The following TCF12 variants were observed in gnomAD, a reference collection of about 807,000 sequenced individuals.
TCF12 encodes transcription factor 12.
Under a neutral mutation model 86.0 loss-of-function variants are expected in TCF12, and 45 were observed. The ratio of observed to expected loss-of-function variants is 0.52; its 90% CI spans 0.41 to 0.67. The LOEUF (loss-of-function observed/expected upper bound fraction) is 0.67, where lower values mean the gene tolerates loss of function less well. TCF12 is among the 30% of genes least tolerant of loss of function. TCF12 has a pLI of 0.00. For synonymous variants in TCF12, 330 were observed against 299.6 expected (o/e 1.10, Z -1.05); for missense variants, 881 against 859.9 (o/e 1.02, Z -0.31).
At chr15:57,256,337 T>C (rs759433240) in intron 16 of TCF12, among the ~76,000 whole-genome samples, 2 of 152,306 alleles carry the variant, frequency 1.3e-5, no homozygotes, top group African/African-American at 4.8e-5. Flanking sequence ...CTGGGATCAC[T>C]TTATTTACAT....
chr15:57,227,588 A>G (rs1597453220), intron 8 of TCF12, among the ~76,000 whole-genome samples: 1 of 152,166 alleles, frequency 6.6e-6, no homozygotes. Flanking sequence ...CATGCAAGAT[A>G]TGATTTATGT....
Position 57,262,103 on chromosome 15 carries a change from C to G in TCF12, c.1477C>G (p.His493Asp), listed in dbSNP as rs144325288. The part of the protein sequence containing the change: ...SSRSASMVGT[H>D]REDSVSLNGN... ...TTTTCCTTAACTTTAGGTTGGAACTCATCGGGAAGACTCTGTCAGTCTCAA... is the reference window on the plus strand; with the variant it reads ...TTTTCCTTAACTTTAGGTTGGAACTGATCGGGAAGACTCTGTCAGTCTCAA... The change falls in exon 17 of 21, where the codon CAT becomes GAT. Residue 493 changes from histidine (H) to aspartate (D), a missense_variant. Transcript: ENST00000333725. The G allele has an allele frequency of 6.8e-6, 11 of 1,611,364 alleles. No individual in the cohort carries two copies. Among genetic ancestry groups the G allele is most frequent in the Non-Finnish European group, 9.3e-6 (11 of 1,178,572 alleles).
At chr15:57,028,531 T>A (rs2141321949) in intron 3 of TCF12, among the ~76,000 whole-genome samples, 1 of 152,336 alleles carries the variant, frequency 6.6e-6, no homozygotes, top group African/African-American at 2.4e-5. Context: ...CGTTTTTAAA[T>A]CAAGTTGCCA....
At chr15:56,939,965 G>A (rs922936754) in intron 3 of TCF12, among the ~76,000 whole-genome samples, 8 of 117,642 alleles carry the variant, frequency 6.8e-5, no homozygotes, top group Non-Finnish European at 1.2e-4. Flanking sequence ...CTTTAATAGC[G>A]TGTTTTTTTT....
At chr15:57,176,627 A>G (rs2055931692) in intron 6 of TCF12, among the ~76,000 whole-genome samples, 2 of 152,220 alleles carry the variant, frequency 1.3e-5, no homozygotes, top group South Asian at 4.1e-4. Flanking sequence ...AAGAAGTTAT[A>G]TAATTCACCC....
At chr15:57,096,079 T>C (rs1044096086) in intron 5 of TCF12, among the ~76,000 whole-genome samples, 4 of 152,198 alleles carry the variant, frequency 2.6e-5, no homozygotes, top group African/African-American at 9.7e-5. Flanking sequence ...TGTTTCTTCA[T>C]AGCTCAGATT....
chr15:57,135,057 C>T (rs1433969661), intron 5 of TCF12, among the ~76,000 whole-genome samples: 1 of 151,972 alleles, frequency 6.6e-6, no homozygotes, highest in Non-Finnish European at 1.5e-5. Context: ...AAGGAATTTC[C>T]TTTGTTGAAT....
intron 18 of TCF12, among the ~76,000 whole-genome samples, chr15:57,270,054 G>A (rs2061060701): frequency 1.3e-5 from 2 of 152,244 alleles, no homozygotes; most frequent in Admixed American, 6.5e-5. Context: ...CTCATCTTGA[G>A]GAGTATCTTT....
intron 6 of TCF12, among the ~76,000 whole-genome samples, chr15:57,180,849 C>T (rs887283959): frequency 4.3e-4 from 47 of 110,260 alleles, no homozygotes; most frequent in Admixed American, 1.8e-3. Flanking sequence ...GAGTCTCGCT[C>T]TGTCGCCCAG....
intron 4 of TCF12, among the ~76,000 whole-genome samples, chr15:57,069,908 G>T (rs570678591): frequency 3.3e-5 from 5 of 152,208 alleles, no homozygotes; most frequent in Non-Finnish European, 7.3e-5. Flanking sequence ...GAATAGCATA[G>T]AATTTAAGAG....
At chr15:56,976,603 C>G (rs1053537590) in intron 3 of TCF12, among the ~76,000 whole-genome samples, 10 of 151,776 alleles carry the variant, frequency 6.6e-5, no homozygotes, top group African/African-American at 2.4e-4. Context: ...CCTAATAAAT[C>G]AATGAATCTA....
chr15:57,191,888 C>G (rs991810969), intron 6 of TCF12, among the ~76,000 whole-genome samples: 2 of 151,152 alleles, frequency 1.3e-5, no homozygotes, highest in South Asian at 2.1e-4. Flanking sequence ...GAGCTGAGAT[C>G]TTACCACTAC....
chr15:57,169,376 G>T (rs570122135), intron 6 of TCF12, among the ~76,000 whole-genome samples: 1 of 152,212 alleles, frequency 6.6e-6, no homozygotes, highest in South Asian at 2.1e-4. Context: ...TACAGTAGAA[G>T]GTCAGTAAAT....
chr15:57,281,340 G>C (rs578202320), intron 19 of TCF12, among the ~76,000 whole-genome samples: 1 of 152,284 alleles, frequency 6.6e-6, no homozygotes, highest in South Asian at 2.1e-4. Flanking sequence ...TCCAGCAATA[G>C]AAAGACCAAC....
At chr15:57,107,530 A>G (rs1325705745) in intron 5 of TCF12, among the ~76,000 whole-genome samples, 3 of 152,148 alleles carry the variant, frequency 2.0e-5, no homozygotes, top group African/African-American at 4.8e-5. Flanking sequence ...CCAATAGAAT[A>G]TACAACACCA....
In TCF12 at chr15:57,192,245, T is replaced by C. The variant is rs1199063294; in HGVS notation, c.478T>C (p.Ser160Pro). 2 of 1,614,188 alleles carry C rather than the reference T, an allele frequency of 1.2e-6. No homozygotes were observed. Among genetic ancestry groups the C allele is most frequent in the Non-Finnish European group, 1.7e-6 (2 of 1,180,016 alleles). Residue 160 changes from serine to proline, a missense_variant, in exon 7 of 21, where the codon TCT (serine) becomes CCT (proline). This residue lies in a region of TCF12 where 766 missense variants were observed against 718.9 expected (regional missense o/e 1.07). Coordinates refer to ENST00000333725, the MANE Select transcript of TCF12 (RefSeq NM_207037.2). ...GKPGTAYYSF[S>P]ATSSRRRPLH... ...ACCTGGGACAGCATACTATTCATTC[T>C]CTGCTACAAGTTCCAGGAGGAGACC...
intron 3 of TCF12, among the ~76,000 whole-genome samples, chr15:56,988,282 T>C (rs1774182279): frequency 6.6e-6 from 1 of 152,182 alleles, no homozygotes; most frequent in Admixed American, 6.5e-5. Context: ...CTAGGGGGTA[T>C]ATAGCCTACT....
Position 57,247,303 on chromosome 15 carries a change from A to G in TCF12, c.1114+3753A>G. 4 of 657,952 alleles carry G rather than the reference A, an allele frequency of 6.1e-6. No individual in the cohort carries two copies. The South Asian group carries it at 6.4e-5, about 11-fold the overall frequency. The allele number at this position is 657,952 out of a possible 1,614,324, so 40.8% of individuals were successfully genotyped here. A position where few individuals can be genotyped will look rare whatever the true frequency, so the allele number is the denominator to read the frequency against. Reference sequence around the variant, plus strand: ...AACTACCTCTGCTGCCACCACCTTCACCACCATAGCCTCCTCTTCCATCAG... The same window carrying G: ...AACTACCTCTGCTGCCACCACCTTCGCCACCATAGCCTCCTCTTCCATCAG... On this transcript the variant is annotated intron_variant, in intron 13 of 20. Coordinates refer to ENST00000333725, the MANE Select transcript of TCF12 (RefSeq NM_207037.2).
intron 19 of TCF12, chr15:57,278,644 AATC>A (rs2061514564): frequency 4.7e-6 from 1 of 212,556 alleles, no homozygotes; most frequent in Non-Finnish European, 9.9e-6. Context: ...GTGAACACCC[AATC>A]ATCATGCTCA....
Sources: allele counts gnomAD v4.1 joint callset (sites outside exome capture counted in the v4.1 genomes callset), GRCh38; gene constraint gnomAD v4.1.1; regional missense constraint gnomAD v4.1.1; transcripts MANE v1.5; gene names NCBI Gene and HGNC (gene_info 2026-07-23, HGNC 2026-07-21).